KAT6B: variants seen among roughly 807,000 people sequenced by gnomAD.
The protein encoded by KAT6B is histone acetyltransferase KAT6B.
A neutral mutation model predicts 187.5 loss-of-function variants in KAT6B; 10 were observed. The ratio of observed to expected loss-of-function variants is 0.05; its 90% confidence interval spans 0.03 to 0.09. The LOEUF (loss-of-function observed/expected upper bound fraction) is 0.09. Ranked by LOEUF, KAT6B falls within the 10% of genes least tolerant of loss-of-function variation. The probability of loss-of-function intolerance (pLI) is 1.00; values close to 1 mark genes in which losing one functional copy is unlikely to be tolerated. For missense variants in KAT6B, 1,952 were observed against 2,558.9 expected, an observed-to-expected ratio of 0.76 and a Z score of 5.12; for synonymous variants, 861 against 926.8, an observed-to-expected ratio of 0.93 and a Z score of 1.29.
chr10:75,031,403 C>T lies in KAT6B; in HGVS notation c.*357C>T. 2.7e-6 allele frequency: 1 copy of T among 377,022 alleles called. No homozygotes were observed. The highest frequency in any genetic ancestry group is 4.9e-6 in the Non-Finnish European group (1 of 205,296). The allele number at this position is 377,022 out of a possible 1,614,324, so 23.4% of individuals were successfully genotyped here. A position where few individuals can be genotyped will look rare whatever the true frequency, so the allele number is the denominator to read the frequency against. On this transcript the variant is annotated 3_prime_UTR_variant, in exon 18 of 18. Coordinates refer to ENST00000287239, the MANE Select transcript of KAT6B (RefSeq NM_012330.4). ...CCAAATTATCTGTTTTAATATTGAA[C>T]CTAGAGCTTTTTTTTTCCCTTCCCT...
intron 13 of KAT6B, among the ~76,000 whole-genome samples, chr10:75,009,370 G>A (rs1844437055): frequency 6.6e-6 from 1 of 152,112 alleles, no homozygotes; most frequent in Non-Finnish European, 1.5e-5. Context: ...TACCTAGTAG[G>A]CACTCAACTG....
intron 12 of KAT6B, among the ~76,000 whole-genome samples, chr10:74,986,719 TAATA>T (rs1321190965): frequency 6.6e-6 from 1 of 152,236 alleles, no homozygotes; most frequent in African/African-American, 2.4e-5. Flanking sequence ...TCTATATGAT[TAATA>T]AATAAAACAC....
intron 13 of KAT6B, among the ~76,000 whole-genome samples, chr10:74,990,079 C>T (rs1843031847): frequency 6.6e-6 from 1 of 151,620 alleles, no homozygotes; most frequent in Non-Finnish European, 1.5e-5. Context: ...CCTGTACTCC[C>T]AGCTACTAGG....
intron 2 of KAT6B, among the ~76,000 whole-genome samples, chr10:74,840,258 C>A (rs1841639276): frequency 6.6e-6 from 1 of 152,148 alleles, no homozygotes; most frequent in African/African-American, 2.4e-5. Context: ...AACTAGTGAG[C>A]AACCAAGAGA....
intron 10 of KAT6B, among the ~76,000 whole-genome samples, chr10:74,981,343 C>CTTTCCTTTCT (rs370866084): frequency 7.1e-6 from 1 of 141,538 alleles, no homozygotes; most frequent in African/African-American, 3.0e-5. Flanking sequence ...TCCTTCCTTT[C>CTTTCCTTTCT]TTCCTTTCTT....
intron 3 of KAT6B, among the ~76,000 whole-genome samples, chr10:74,874,335 A>T (rs1209346887): frequency 1.3e-5 from 2 of 152,138 alleles, no homozygotes. Flanking sequence ...GATAGGCTGT[A>T]AGTCTGTCAG....
chr10:74,860,492 A>G (rs1843102437), intron 3 of KAT6B, among the ~76,000 whole-genome samples: 3 of 152,230 alleles, frequency 2.0e-5, no homozygotes, highest in Admixed American at 2.0e-4. Flanking sequence ...AACAGGCCAA[A>G]TAAGGTGACT....
At chr10:74,831,411 C>T (rs1840847158) in intron 1 of KAT6B, among the ~76,000 whole-genome samples, 2 of 152,180 alleles carry the variant, frequency 1.3e-5, no homozygotes, top group African/African-American at 4.8e-5. Flanking sequence ...ATAAGATATT[C>T]TCCTATGCAG....
intron 17 of KAT6B, among the ~76,000 whole-genome samples, chr10:75,026,720 T>C (rs1845875788): frequency 6.6e-6 from 1 of 152,126 alleles, no homozygotes. Flanking sequence ...TGTCTTCTCA[T>C]ATTATGCCTG....
At chr10:74,956,935 C>G (rs370270186) in intron 3 of KAT6B, among the ~76,000 whole-genome samples, 4 of 152,198 alleles carry the variant, frequency 2.6e-5, no homozygotes. Flanking sequence ...AGGTTAGGTG[C>G]CTTTGTGAAA....
At chr10:74,897,317 C>T (rs200816113) in intron 3 of KAT6B, among the ~76,000 whole-genome samples, 51 of 152,160 alleles carry the variant, frequency 3.4e-4, no homozygotes, top group Non-Finnish European at 6.5e-4. Flanking sequence ...TCCTCTCCCC[C>T]GCTCCCCACT....
chr10:75,008,656 G>A (rs1046373269), intron 13 of KAT6B, among the ~76,000 whole-genome samples: 1 of 152,286 alleles, frequency 6.6e-6, no homozygotes, highest in African/African-American at 2.4e-5. Flanking sequence ...CTTTTGAGTT[G>A]CATCCAGTTA....
At chr10:74,836,977 T>C (rs1841353984) in intron 1 of KAT6B, among the ~76,000 whole-genome samples, 1 of 152,228 alleles carries the variant, frequency 6.6e-6, no homozygotes, top group African/African-American at 2.4e-5. Context: ...TTAATCTTTG[T>C]TTTTTTCTAC....
intron 3 of KAT6B, among the ~76,000 whole-genome samples, chr10:74,900,624 C>G (rs547381810): frequency 6.6e-6 from 1 of 152,342 alleles, no homozygotes; most frequent in South Asian, 2.1e-4. Flanking sequence ...AGTGTGCTCA[C>G]TCAACTGGCT....
intron 13 of KAT6B, among the ~76,000 whole-genome samples, chr10:75,018,944 C>A (rs1489168522): frequency 6.6e-6 from 1 of 152,208 alleles, no homozygotes; most frequent in Non-Finnish European, 1.5e-5. Context: ...ATGTGCCAAG[C>A]ACTTTGGAGG....
intron 3 of KAT6B, among the ~76,000 whole-genome samples, chr10:74,870,378 G>T (rs948240628): frequency 1.3e-5 from 2 of 152,150 alleles, no homozygotes; most frequent in Non-Finnish European, 2.9e-5. Context: ...CAAGATGGCA[G>T]ACCTTGGTTT....
At chr10:75,002,582 C>T (rs1843920920) in intron 13 of KAT6B, among the ~76,000 whole-genome samples, 5 of 151,790 alleles carry the variant, frequency 3.3e-5, no homozygotes, top group Admixed American at 3.3e-4. Flanking sequence ...TTACTACACA[C>T]CTAGGCTATG....
At chr10:74,895,975 A>G (rs538861459) in intron 3 of KAT6B, among the ~76,000 whole-genome samples, 1 of 151,916 alleles carries the variant, frequency 6.6e-6, no homozygotes, top group South Asian at 2.1e-4. Context: ...TTTTTGCCTG[A>G]AATATGGGAT....
intron 1 of KAT6B, among the ~76,000 whole-genome samples, chr10:74,834,431 C>T (rs1328617191): frequency 2.0e-5 from 3 of 152,030 alleles, no homozygotes; most frequent in Non-Finnish European, 4.4e-5. Flanking sequence ...CTCCTGACCT[C>T]GTGATCTGCC....
Sources: allele counts gnomAD v4.1 joint callset (sites outside exome capture counted in the v4.1 genomes callset), GRCh38; gene constraint gnomAD v4.1.1; transcripts MANE v1.5; gene names NCBI Gene and HGNC (gene_info 2026-07-23, HGNC 2026-07-21).